Variants in MYO6 observed in about 807,000 individuals in gnomAD.
The protein encoded by MYO6 is unconventional myosin-VI.
MYO6 carries 74 observed loss-of-function variants against 178.7 expected under a neutral mutation model. That is an observed-to-expected ratio of 0.41 (90% CI 0.34 to 0.50). The LOEUF is 0.50. Ranked by LOEUF, MYO6 falls within the 20% of genes least tolerant of loss-of-function variation. The probability of loss-of-function intolerance (pLI) is 0.09; values close to 1 mark genes in which losing one functional copy is unlikely to be tolerated. For missense variants in MYO6, 1,330 were observed against 1,547.4 expected (o/e 0.86, Z 2.36); for synonymous variants, 477 against 504.6 (o/e 0.95, Z 0.73).
intron 30 of MYO6, among the ~76,000 whole-genome samples, chr6:75,904,489 C>T (rs368403329): frequency 1.6e-4 from 25 of 152,168 alleles, no homozygotes; most frequent in South Asian, 1.0e-3. Flanking sequence ...CATCTTCCAT[C>T]GCTGATACCC....
At chr6:75,801,417 C>T (rs1357469598) in intron 1 of MYO6, among the ~76,000 whole-genome samples, 3 of 151,788 alleles carry the variant, frequency 2.0e-5, no homozygotes, top group Admixed American at 1.3e-4. Flanking sequence ...GGGTGAGTAG[C>T]GACTGGTTTT....
chr6:75,855,362 A>C, intron 12 of MYO6, 79 bp downstream of exon 12: 1 of 1,427,684 alleles, frequency 7.0e-7, no homozygotes, highest in Non-Finnish European at 9.7e-7. Context: ...CATTCTGTTT[A>C]AAACCTGAGC....
chr6:75,898,442 G>A lies in MYO6; in HGVS notation c.3176+31G>A, dbSNP rs767079552. The A allele has an allele frequency of 8.3e-6, 13 of 1,568,870 alleles. 1 individual carries two copies. The South Asian group carries it at 1.4e-4, about 17-fold the overall frequency. Reference sequence around the variant, plus strand: ...TGCAGTGTAATTGGGGGAAATAAGTGTTCACCTCAAAATCATATTTTTAAA... The same window carrying A: ...TGCAGTGTAATTGGGGGAAATAAGTATTCACCTCAAAATCATATTTTTAAA... On this transcript the variant is annotated intron_variant, in intron 30 of 34. Coordinates refer to ENST00000369977, the MANE Select transcript of MYO6 (RefSeq NM_004999.4).
In MYO6 at chr6:75,841,246, T is replaced by C. The variant is rs768928382; in HGVS notation, c.684T>C (p.Tyr228=). 2 of 1,613,936 alleles carry C rather than the reference T, an allele frequency of 1.2e-6. No individual in the cohort carries two copies. Among genetic ancestry groups the C allele is most frequent in the Admixed American group, 3.3e-5 (2 of 60,026 alleles). The change falls in exon 9 of 35, where the codon TAT becomes TAC. Residue 228 remains tyrosine, a synonymous_variant. Coordinates refer to ENST00000369977, the MANE Select transcript of MYO6 (RefSeq NM_004999.4). ...TTGTTGGAGGATTTGTTTCACATTA[T>C]CTCCTAGAGAAATCTAGGATCTGTG... ...SSVVGGFVSH[Y]LLEKSRICVQ... is the part of the protein sequence containing the mutation.
At chr6:75,755,654 A>T (rs1396178924) in intron 1 of MYO6, among the ~76,000 whole-genome samples, 1 of 152,190 alleles carries the variant, frequency 6.6e-6, no homozygotes, top group Non-Finnish European at 1.5e-5. Flanking sequence ...ATTGGTAGTG[A>T]TCCGATAGTT....
intron 1 of MYO6, among the ~76,000 whole-genome samples, chr6:75,792,934 C>G (rs1768390657): frequency 6.6e-6 from 1 of 151,808 alleles, no homozygotes; most frequent in South Asian, 2.1e-4. Flanking sequence ...CAGGTATACA[C>G]CACCATACCC....
At chr6:75,787,722 CTCTCTCTCTATATATATA>C (rs1222255488) in intron 1 of MYO6, among the ~76,000 whole-genome samples, 9 of 29,094 alleles carry the variant, frequency 3.1e-4, no homozygotes, top group Non-Finnish European at 3.1e-4. Flanking sequence ...CTCTCTCTCT[CTCTCTCTCTATATATATA>C]TATATATATA....
At chr6:75,837,449 T>G (rs1339588649) in intron 7 of MYO6, among the ~76,000 whole-genome samples, 2 of 152,206 alleles carry the variant, frequency 1.3e-5, no homozygotes, top group Non-Finnish European at 2.9e-5. Flanking sequence ...CAGGCTGGTC[T>G]CAACCTCCTG....
chr6:75,792,553 C>T (rs1236977194), intron 1 of MYO6, among the ~76,000 whole-genome samples: 3 of 152,148 alleles, frequency 2.0e-5, no homozygotes, highest in African/African-American at 7.2e-5. Context: ...TCTACCTCTG[C>T]TTGTATCGAG....
intron 1 of MYO6, among the ~76,000 whole-genome samples, chr6:75,791,095 G>A (rs1768187273): frequency 6.6e-6 from 1 of 152,194 alleles, no homozygotes; most frequent in East Asian, 1.9e-4. Context: ...ACCACGCCTG[G>A]CTAGTTTTTT....
At chr6:75,853,921 T>A (rs1252452758) in intron 11 of MYO6, among the ~76,000 whole-genome samples, 1 of 148,280 alleles carries the variant, frequency 6.7e-6, no homozygotes, top group Non-Finnish European at 1.5e-5. Context: ...ATAGCAACCA[T>A]GTAAGGTAGG....
chr6:75,911,639 A>G (rs903716540), intron 32 of MYO6, 33 bp from the exon 33 acceptor site: 11 of 1,595,500 alleles, frequency 6.9e-6, no homozygotes, highest in African/African-American at 1.3e-5. Context: ...TGGCATTTTT[A>G]TCTTTTCTTC....
At chr6:75,783,595 C>A (rs1001351180) in intron 1 of MYO6, among the ~76,000 whole-genome samples, 2 of 149,014 alleles carry the variant, frequency 1.3e-5, no homozygotes, top group African/African-American at 5.0e-5. Context: ...ATCCCACTTA[C>A]CTCAGTAATG....
intron 5 of MYO6, among the ~76,000 whole-genome samples, chr6:75,830,896 C>T (rs1247638723): frequency 2.0e-5 from 3 of 152,156 alleles, no homozygotes; most frequent in African/African-American, 4.8e-5. Context: ...AATTGTCCTC[C>T]TTCACAATTT....
chr6:75,751,392 A>T (rs978825706), intron 1 of MYO6, among the ~76,000 whole-genome samples: 2 of 152,232 alleles, frequency 1.3e-5, no homozygotes, highest in African/African-American at 4.8e-5. Context: ...TTAAGGAAAG[A>T]TCATGATTAA....
intron 7 of MYO6, among the ~76,000 whole-genome samples, chr6:75,838,091 C>G (rs964305911): frequency 6.7e-6 from 1 of 148,592 alleles, no homozygotes; most frequent in African/African-American, 2.5e-5. Flanking sequence ...CTCACTCTGT[C>G]GCCGAGTCTG....
intron 1 of MYO6, among the ~76,000 whole-genome samples, chr6:75,777,915 A>T (rs1357017860): frequency 6.6e-6 from 1 of 152,224 alleles, no homozygotes; most frequent in African/African-American, 2.4e-5. Flanking sequence ...ACAGCATAGA[A>T]TCAAGACACC....
At chr6:75,907,816 G>A (rs1195278859) in intron 31 of MYO6, 108 bp downstream of exon 31, 2 of 776,334 alleles carry the variant, frequency 2.6e-6, no homozygotes, top group East Asian at 2.8e-5. Context: ...GTGTGTGTGT[G>A]TATGTGTGTA....
chr6:75,899,835 C>T (rs866900659), intron 30 of MYO6, among the ~76,000 whole-genome samples: 1 of 149,838 alleles, frequency 6.7e-6, no homozygotes, highest in African/African-American at 2.5e-5. Flanking sequence ...GCTGCACCCA[C>T]TAACTCGTCA....
Sources: allele counts gnomAD v4.1 joint callset (sites outside exome capture counted in the v4.1 genomes callset), GRCh38; gene constraint gnomAD v4.1.1; transcripts MANE v1.5; gene names NCBI Gene and HGNC (gene_info 2026-07-23, HGNC 2026-07-21).